The following PIBF1 variants were observed in gnomAD, a reference collection of about 807,000 sequenced individuals.
PIBF1 encodes progesterone-induced-blocking factor 1.
A neutral mutation model predicts 112.5 loss-of-function variants in PIBF1; 90 were observed. The ratio of observed to expected loss-of-function variants is 0.80; its 90% confidence interval spans 0.67 to 0.95. The LOEUF is 0.95. PIBF1 is among the 40% of genes least tolerant of loss of function. The pLI is 0.00. For missense variants in PIBF1, 915 were observed against 852.3 expected (o/e 1.07, Z -0.92); for synonymous variants, 301 against 288.6 (o/e 1.04, Z -0.44).
At chr13:72,923,694 G>T (rs938589715) in intron 13 of PIBF1, among the ~76,000 whole-genome samples, 3 of 152,288 alleles carry the variant, frequency 2.0e-5, no homozygotes, top group East Asian at 3.9e-4. Flanking sequence ...GCCAGGCACG[G>T]TGGCTCACGC....
intron 13 of PIBF1, among the ~76,000 whole-genome samples, chr13:72,920,781 T>G (rs1025317098): frequency 6.6e-6 from 1 of 151,074 alleles, no homozygotes; most frequent in African/African-American, 2.4e-5. Flanking sequence ...CTGGGCAACA[T>G]AGAGAGACTC....
intron 16 of PIBF1, among the ~76,000 whole-genome samples, chr13:72,991,843 C>T (rs2043492627): frequency 3.9e-5 from 6 of 152,004 alleles, no homozygotes; most frequent in South Asian, 2.1e-4. Flanking sequence ...CTCAGCCTCC[C>T]GAGTAGTTGG....
At chr13:72,822,603 A>T (rs555672943) in intron 6 of PIBF1, among the ~76,000 whole-genome samples, 1 of 152,212 alleles carries the variant, frequency 6.6e-6, no homozygotes, top group Non-Finnish European at 1.5e-5. Flanking sequence ...CTTTAAATAT[A>T]TATGTACTGC....
chr13:72,821,284 A>G (rs1202927170), intron 5 of PIBF1, among the ~76,000 whole-genome samples: 1 of 152,198 alleles, frequency 6.6e-6, no homozygotes, highest in Non-Finnish European at 1.5e-5. Context: ...CATATCAGCA[A>G]TGCCTTTCTT....
chr13:73,006,700 C>G (rs2044043244), intron 17 of PIBF1, among the ~76,000 whole-genome samples: 1 of 152,024 alleles, frequency 6.6e-6, no homozygotes, highest in Non-Finnish European at 1.5e-5. Context: ...CTTACTATGT[C>G]TGCATTTATC....
At chr13:72,857,993 G>A (rs988729023) in intron 10 of PIBF1, among the ~76,000 whole-genome samples, 1 of 142,298 alleles carries the variant, frequency 7.0e-6, no homozygotes, top group African/African-American at 2.7e-5. Context: ...AGAGTAATTC[G>A]ATAATACCTA....
intron 13 of PIBF1, among the ~76,000 whole-genome samples, chr13:72,928,547 C>T (rs1458990641): frequency 6.6e-6 from 1 of 152,178 alleles, no homozygotes; most frequent in African/African-American, 2.4e-5. Flanking sequence ...TCAAGCGATT[C>T]TCCTGCCTCA....
chr13:72,863,549 T>C (rs2038791620), intron 10 of PIBF1, among the ~76,000 whole-genome samples: 2 of 149,224 alleles, frequency 1.3e-5, no homozygotes, highest in African/African-American at 2.5e-5. Context: ...TCCTAGCTGC[T>C]GAGGAGGCTG....
chr13:72,965,472 AT>A, intron 15 of PIBF1, 68 bp downstream of exon 15: 1 of 1,278,862 alleles, frequency 7.8e-7, no homozygotes. Context: ...CTGTAGGTGA[AT>A]TTGGGTTGTA....
At chr13:72,880,797 A>G (rs1392432117) in intron 10 of PIBF1, among the ~76,000 whole-genome samples, 2 of 152,162 alleles carry the variant, frequency 1.3e-5, no homozygotes, top group Non-Finnish European at 2.9e-5. Flanking sequence ...TTATATATGT[A>G]TGTATTCAAC....
At chr13:72,900,009 C>T (rs2040424704) in intron 11 of PIBF1, among the ~76,000 whole-genome samples, 1 of 152,050 alleles carries the variant, frequency 6.6e-6, no homozygotes. Flanking sequence ...TTTACTATAG[C>T]TGCAAAAAAT....
chr13:72,923,302 C>T (rs542764499), intron 13 of PIBF1, among the ~76,000 whole-genome samples: 1 of 152,234 alleles, frequency 6.6e-6, no homozygotes, highest in African/African-American at 2.4e-5. Context: ...ATACAGACTG[C>T]CATGGACAGA....
intron 9 of PIBF1, among the ~76,000 whole-genome samples, chr13:72,846,692 A>G (rs928119077): frequency 1.3e-5 from 2 of 152,176 alleles, no homozygotes; most frequent in Admixed American, 6.5e-5. Context: ...TTTCCACTGC[A>G]TAACCATCTA....
At position 72,965,327 on chromosome 13, in the gene PIBF1, C is replaced by T. The variant is rs1438635364; in HGVS notation, c.1887C>T (p.Leu629=). 1.2e-6 allele frequency: 2 copies of T among 1,610,758 alleles called. No homozygotes were observed. The highest frequency in any genetic ancestry group is 1.1e-5 in the South Asian group (1 of 90,924). Residue 629 remains leucine, a synonymous_variant, in exon 15 of 18, where the codon CTC becomes CTT. Coordinates refer to ENST00000326291, the MANE Select transcript of PIBF1 (RefSeq NM_006346.4). ...AGACTCAACAGCCTTACAGGTATCT[C>T]ATTGAATCAGTGCGTCAGAGAGATT... The part of the protein sequence containing the change: ...LNQTQQPYRY[L]IESVRQRDSK...
chr13:72,831,057 G>A (rs866535935), intron 8 of PIBF1, among the ~76,000 whole-genome samples: 35 of 152,136 alleles, frequency 2.3e-4, no homozygotes, highest in African/African-American at 7.5e-4. Context: ...TTTGCATAGA[G>A]GTGTTTATAG....
At chr13:72,789,828 A>G (rs1326864432) in intron 2 of PIBF1, among the ~76,000 whole-genome samples, 1 of 152,254 alleles carries the variant, frequency 6.6e-6, no homozygotes, top group East Asian at 1.9e-4. Flanking sequence ...TTTGAGTGTC[A>G]TAGTGACTCT....
intron 10 of PIBF1, among the ~76,000 whole-genome samples, chr13:72,869,051 A>G (rs1566381519): frequency 6.6e-6 from 1 of 152,138 alleles, no homozygotes; most frequent in Non-Finnish European, 1.5e-5. Flanking sequence ...TGTGGAAGTC[A>G]GTGTGGCGAT....
intron 10 of PIBF1, among the ~76,000 whole-genome samples, chr13:72,888,516 G>C (rs961431233): frequency 6.6e-6 from 1 of 152,066 alleles, no homozygotes; most frequent in African/African-American, 2.4e-5. Flanking sequence ...TTAAATGTTT[G>C]CTTGTGCATG....
intron 16 of PIBF1, among the ~76,000 whole-genome samples, chr13:72,990,889 T>C (rs2043459147): frequency 6.6e-6 from 1 of 152,198 alleles, no homozygotes; most frequent in African/African-American, 2.4e-5. Flanking sequence ...AAAATATATA[T>C]GTATTTGGTT....
Sources: allele counts gnomAD v4.1 joint callset (sites outside exome capture counted in the v4.1 genomes callset), GRCh38; gene constraint gnomAD v4.1.1; transcripts MANE v1.5; gene names NCBI Gene and HGNC (gene_info 2026-07-23, HGNC 2026-07-21).